Variants in GTSE1 observed in about 807,000 individuals in gnomAD.
GTSE1 encodes G2 and S phase-expressed protein 1.
Under a neutral mutation model 60.5 loss-of-function variants are expected in GTSE1, and 52 were observed. That is an observed-to-expected ratio of 0.86 (90% CI 0.69 to 1.08). GTSE1 has a LOEUF of 1.08. GTSE1 is among the 50% of genes least tolerant of loss of function. The probability of loss-of-function intolerance (pLI) is 0.00; values close to 1 mark genes in which losing one functional copy is unlikely to be tolerated. For synonymous variants in GTSE1, 368 were observed against 386.5 expected, an observed-to-expected ratio of 0.95 and a Z score of 0.56; for missense variants, 937 against 961.8, an observed-to-expected ratio of 0.97 and a Z score of 0.34.
At position 46,297,765 on chromosome 22, in the gene GTSE1, A is replaced by G. The variant is rs895348060; in HGVS notation, c.79+286A>G. On this transcript the variant is annotated intron_variant, in intron 2 of 11. Transcript: ENST00000454366. The surrounding 1 kb of genome is among the most constrained non-coding windows in gnomAD (Gnocchi z 4.9). ...TCAAATATTTATTGTATTGAATTCG[A>G]TGTTTTCTTTTTTGTTTGTCGCTGG... Among the ~76,000 whole-genome samples the G allele has an allele frequency of 1.3e-5, 2 of 151,906 alleles. No homozygotes were observed. Among genetic ancestry groups the G allele is most frequent in the African/African-American group, 4.8e-5 (2 of 41,326 alleles).
chr22:46,308,867 G>A lies in GTSE1; in HGVS notation c.686G>A (p.Arg229Lys), dbSNP rs755597920. The change falls in exon 4 of 12, where the codon AGG (arginine) becomes AAG (lysine). Residue 229 changes from arginine to lysine, a missense_variant. Arg to Lys is a conservative substitution (Grantham distance 26, BLOSUM62 2). Transcript: ENST00000454366. The part of the protein sequence containing the change: ...AHAASQAATQ[R>K]KPGTKLLLPR... ...GCTGCAAGTCAGGCAGCGACTCAGA[G>A]GAAGCCCGGGACCAAATTGCTGCTG... is the stretch of plus-strand genomic sequence containing the variant. 4 of 1,613,132 alleles carry A rather than the reference G, an allele frequency of 2.5e-6. No homozygotes were observed. The African/African-American group carries it at 5.3e-5, about 22-fold the overall frequency.
Position 46,315,215 on chromosome 22 carries a change from C to T in GTSE1, c.1052-817C>T, listed in dbSNP as rs1482011207. Among the ~76,000 whole-genome samples the T allele has an allele frequency of 5.9e-5, 9 of 152,146 alleles. 1 individual carries two copies. In the South Asian group the frequency reaches 6.2e-4, roughly 11 times the overall value. On this transcript the variant is annotated intron_variant, in intron 6 of 11. Coordinates refer to ENST00000454366, the MANE Select transcript of GTSE1 (RefSeq NM_016426.7). ...CTGGGACTACAGGCACCTGCCACCA[C>T]GCCCGGCTAATTTTTGTATTTTTAG...
chr22:46,325,880 C>T (rs1046450103), intron 8 of GTSE1, among the ~76,000 whole-genome samples: 4 of 152,242 alleles, frequency 2.6e-5, no homozygotes, highest in African/African-American at 9.6e-5. Flanking sequence ...ATGGGTAGCC[C>T]GAACCACAGG....
rs567080959 is a variant in GTSE1, at chr22:46,300,635, T to C, written c.79+3156T>C. On this transcript the variant is annotated intron_variant, in intron 2 of 11. Coordinates refer to ENST00000454366, the MANE Select transcript of GTSE1 (RefSeq NM_016426.7). ...GAGGCACCCTCCAGGGTGGGCTGCA[T>C]GTACCCCAAGCCTGCCTGGCACCTA... 6.6e-5 allele frequency among the ~76,000 whole-genome samples: 10 copies of C among 152,306 alleles called. No homozygotes were observed. In the South Asian group the frequency reaches 1.9e-3, roughly 28 times the overall value.
At position 46,297,772 on chromosome 22, in the gene GTSE1, CT is replaced by C. The variant is rs1010989658; in HGVS notation, c.79+299del. Among the ~76,000 whole-genome samples, 5 of 152,080 alleles carry C rather than the reference CT, an allele frequency of 3.3e-5. No individual in the cohort carries two copies. Among genetic ancestry groups the C allele is most frequent in the African/African-American group, 1.2e-4 (5 of 41,406 alleles). On this transcript the variant is annotated intron_variant, in intron 2 of 11. Transcript: ENST00000454366. The surrounding 1 kb of genome is among the most constrained non-coding windows in gnomAD (Gnocchi z 4.9). Reference sequence around the variant, plus strand: ...TTTATTGTATTGAATTCGATGTTTTCTTTTTTGTTTGTCGCTGGTTTCTGTT... The same window carrying C: ...TTTATTGTATTGAATTCGATGTTTTCTTTTTGTTTGTCGCTGGTTTCTGTT...
In GTSE1 at chr22:46,309,061, A is replaced by C; in HGVS notation, c.762+118A>C. 16 of 1,118,472 alleles carry C rather than the reference A, an allele frequency of 1.4e-5. No homozygotes were observed. Among genetic ancestry groups the C allele is most frequent in the Admixed American group, 2.7e-5 (1 of 36,442 alleles). The allele number at this position is 1,118,472 out of a possible 1,614,324, so 69.3% of individuals were successfully genotyped here. ...GGCGAGTCTCTGAGGCCTACAAAAC[A>C]CAGGAATGCGGAGTCCAGGAAAAGC... is the stretch of plus-strand genomic sequence containing the variant. On this transcript the variant is annotated intron_variant, in intron 4 of 11. Transcript: ENST00000454366. This position sits in a 1 kb window ranked among gnomAD's most constrained non-coding sequence, Gnocchi z 6.2.
At position 46,320,736 on chromosome 22, in the gene GTSE1, TG is replaced by T. The variant is rs759011842; in HGVS notation, c.1433-2452del. ...CCGGGTCACCCAGAGGATTGAGACT[TG>T]GAATTCTGGCTGTGGGCTTTGCCTC... On this transcript the variant is annotated intron_variant, in intron 7 of 11. Transcript: ENST00000454366. This position sits in a 1 kb window ranked among gnomAD's most constrained non-coding sequence, Gnocchi z 7.1. Among the ~76,000 whole-genome samples the T allele has an allele frequency of 6.6e-6, 1 of 152,154 alleles. No individual in the cohort carries two copies. Among genetic ancestry groups the T allele is most frequent in the Non-Finnish European group, 1.5e-5 (1 of 68,024 alleles).
At chr22:46,301,649 G>A (rs957620403) in intron 2 of GTSE1, among the ~76,000 whole-genome samples, 1 of 151,720 alleles carries the variant, frequency 6.6e-6, no homozygotes, top group African/African-American at 2.4e-5. Flanking sequence ...CACCAGGCCT[G>A]GCTAATTTTT....
rs545833591 is a variant in GTSE1 at position 46,321,661 on chromosome 22, AG to A, written c.1433-1528del. Among the ~76,000 whole-genome samples, 19 of 152,364 alleles carry A rather than the reference AG, an allele frequency of 1.2e-4. No individual in the cohort carries two copies. The South Asian group carries it at 3.7e-3, about 30-fold the overall frequency. On this transcript the variant is annotated intron_variant, in intron 7 of 11. Coordinates refer to ENST00000454366, the MANE Select transcript of GTSE1 (RefSeq NM_016426.7). This position sits in a 1 kb window ranked among gnomAD's most constrained non-coding sequence, Gnocchi z 4.0. The stretch of plus-strand genomic sequence containing the variant: ...GAAATGAGTGAAGGGAGACATCGCA[AG>A]AAGCTTCCAGCACGCTGGAAGCAGA...
In GTSE1 at chr22:46,308,859, G is replaced by T; in HGVS notation, c.678G>T (p.Ala226=). The change falls in exon 4 of 12, where the codon GCG becomes GCT. Residue 226 remains alanine, a synonymous_variant. Transcript: ENST00000454366. ...CTGCTCATGCTGCAAGTCAGGCAGC[G>T]ACTCAGAGGAAGCCCGGGACCAAAT... The part of the protein sequence containing the change: ...SCTAHAASQA[A]TQRKPGTKLL... 2 of 1,613,268 alleles carry T rather than the reference G, an allele frequency of 1.2e-6. No homozygotes were observed. The highest frequency in any genetic ancestry group is 1.7e-6 in the Non-Finnish European group (2 of 1,180,034).
Position 46,308,846 on chromosome 22 carries a change from CA to C in GTSE1, c.667del (p.Ser223ValfsTer90). ...LPRESCTAHA[A>X]SQAATQRKPG... ...AGGGAATCATGCACTGCTCATGCTG[CA>C]AGTCAGGCAGCGACTCAGAGGAAGC... On this transcript the variant is annotated frameshift_variant, in exon 4 of 12. Transcript: ENST00000454366. LOFTEE classifies it high-confidence loss of function. 6.2e-7 allele frequency: 1 copy of C among 1,613,286 alleles called. No individual in the cohort carries two copies. Among genetic ancestry groups the C allele is most frequent in the Non-Finnish European group, 8.5e-7 (1 of 1,180,036 alleles).
chr22:46,323,769 A>C (rs1243950524), intron 8 of GTSE1, among the ~76,000 whole-genome samples: 5 of 150,272 alleles, frequency 3.3e-5, no homozygotes, highest in Admixed American at 6.6e-5. Flanking sequence ...CTCACTGCAA[A>C]CTCCACCTCC....
Position 46,309,590 on chromosome 22 carries a change from C to T in GTSE1, c.762+647C>T, listed in dbSNP as rs117261545. 7.4e-4 allele frequency among the ~76,000 whole-genome samples: 112 copies of T among 152,286 alleles called. 2 individuals carry two copies. The East Asian group carries it at 0.02, about 28-fold the overall frequency. Reference sequence around the variant, plus strand: ...CTGGGCAGCACGTACAGAGGAATGACCCTGGGTGGGGCTGATAGGAGGTGC... The same window carrying T: ...CTGGGCAGCACGTACAGAGGAATGATCCTGGGTGGGGCTGATAGGAGGTGC... On this transcript the variant is annotated intron_variant, in intron 4 of 11. Transcript: ENST00000454366. This position sits in a 1 kb window ranked among gnomAD's most constrained non-coding sequence, Gnocchi z 6.2.
intron 2 of GTSE1, among the ~76,000 whole-genome samples, chr22:46,303,719 T>C (rs1342619287): frequency 6.6e-6 from 1 of 152,236 alleles, no homozygotes; most frequent in Non-Finnish European, 1.5e-5. Flanking sequence ...TATGTGTTTG[T>C]CTTCTGGGCA....
In GTSE1 at chr22:46,314,042, C is replaced by T; in HGVS notation, c.1051+29C>T. ...AGGCAGCCGGCATCATGCTTGGACC[C>T]ACATCTGGCCAGGTGAGGCCTGGAG... On this transcript the variant is annotated intron_variant, in intron 6 of 11. Transcript: ENST00000454366. This position sits in a 1 kb window ranked among gnomAD's most constrained non-coding sequence, Gnocchi z 7.1. The T allele has an allele frequency of 6.2e-7, 1 of 1,612,570 alleles. No individual in the cohort carries two copies. Among genetic ancestry groups the T allele is most frequent in the South Asian group, 1.1e-5 (1 of 91,056 alleles).
Position 46,319,002 on chromosome 22 carries a change from T to C in GTSE1, c.1432+2590T>C, listed in dbSNP as rs114397498. ...CTGCAAGTTGTCCCTGTGACTCCGTTTGTGTCCCATTGAGTACGACGCTTC... is the reference window on the plus strand; with the variant it reads ...CTGCAAGTTGTCCCTGTGACTCCGTCTGTGTCCCATTGAGTACGACGCTTC... On this transcript the variant is annotated intron_variant, in intron 7 of 11. Coordinates refer to ENST00000454366, the MANE Select transcript of GTSE1 (RefSeq NM_016426.7). The surrounding 1 kb of genome is among the most constrained non-coding windows in gnomAD (Gnocchi z 5.0). Among the ~76,000 whole-genome samples, 3,485 of 152,272 alleles carry C rather than the reference T, an allele frequency of 0.023. 51 individuals carry two copies. The highest frequency in any genetic ancestry group is 0.029 in the Non-Finnish European group (2,003 of 68,020).
At chr22:46,312,371 T>C in intron 5 of GTSE1, 66 bp downstream of exon 5, 1 of 1,472,440 alleles carries the variant, frequency 6.8e-7, no homozygotes, top group Non-Finnish European at 9.2e-7. Flanking sequence ...TGTGTACAAG[T>C]GCTTTGGATT....
rs9306512 is a variant in GTSE1 at position 46,320,706 on chromosome 22, T to C, written c.1433-2484T>C. Among the ~76,000 whole-genome samples the C allele has an allele frequency of 0.26, 39,032 of 152,160 alleles. 8,525 individuals carry two copies. The highest frequency in any genetic ancestry group is 0.6 in the African/African-American group (24,690 of 41,466). On this transcript the variant is annotated intron_variant, in intron 7 of 11. Coordinates refer to ENST00000454366, the MANE Select transcript of GTSE1 (RefSeq NM_016426.7). This position sits in a 1 kb window ranked among gnomAD's most constrained non-coding sequence, Gnocchi z 7.1. ...AATGTTGCTATTTACTATGAGTCCA[T>C]GCTGCCGGGTCACCCAGAGGATTGA...
At position 46,330,249 on chromosome 22, in the gene GTSE1, G is replaced by C; in HGVS notation, c.*119G>C. ...GTAACCCTAGAACTTGGGAGGCTGA[G>C]GTGGGCGGATTACTTGAGCCCAGGA... is the stretch of plus-strand genomic sequence containing the variant. On this transcript the variant is annotated 3_prime_UTR_variant, in exon 12 of 12. Transcript: ENST00000454366. The surrounding 1 kb of genome is among the most constrained non-coding windows in gnomAD (Gnocchi z 6.0). The C allele has an allele frequency of 1.5e-6, 1 of 670,732 alleles. No individual in the cohort carries two copies. Among genetic ancestry groups the C allele is most frequent in the Middle Eastern group, 2.5e-4 (1 of 4,028 alleles). 41.5% of individuals were successfully genotyped at this position (670,732 alleles called of 1,614,324 possible). A position where few individuals can be genotyped will look rare whatever the true frequency, so the allele number is the denominator to read the frequency against.
Sources: allele counts gnomAD v4.1 joint callset (sites outside exome capture counted in the v4.1 genomes callset), GRCh38; gene constraint gnomAD v4.1.1; non-coding constraint Gnocchi (gnomAD v3.1); transcripts MANE v1.5; gene names NCBI Gene and HGNC (gene_info 2026-07-23, HGNC 2026-07-21).